Variants in MBD5 observed in about 807,000 individuals in gnomAD.
The protein encoded by MBD5 is methyl-CpG-binding domain protein 5.
Under a neutral mutation model 117.3 loss-of-function variants are expected in MBD5, and 13 were observed. That is an observed-to-expected ratio of 0.11 (90% CI 0.07 to 0.18). MBD5 has a LOEUF of 0.18. Among genes scored for constraint, MBD5 ranks in the 10% least tolerant of loss-of-function variants. The pLI is 1.00. For missense variants in MBD5, 1,879 were observed against 2,093.8 expected (o/e 0.90, Z 2.00); for synonymous variants, 727 against 766.4 (o/e 0.95, Z 0.85).
chr2:148,411,572 T>C (rs1705251363), intron 4 of MBD5, among the ~76,000 whole-genome samples: 1 of 148,548 alleles, frequency 6.7e-6, no homozygotes, highest in Non-Finnish European at 1.5e-5. Context: ...AGATGGTATC[T>C]CCTTGTGGTT....
intron 3 of MBD5, among the ~76,000 whole-genome samples, chr2:148,293,476 G>A (rs1701550898): frequency 6.6e-6 from 1 of 152,112 alleles, no homozygotes. Context: ...TTGCATGCCT[G>A]TATCAAAACA....
chr2:148,149,029 A>T (rs1051151653), intron 1 of MBD5, among the ~76,000 whole-genome samples: 1 of 152,032 alleles, frequency 6.6e-6, no homozygotes, highest in South Asian at 2.1e-4. Flanking sequence ...ATGCTGGTGC[A>T]CTGCACCCAC....
intron 2 of MBD5, among the ~76,000 whole-genome samples, chr2:148,232,203 G>A (rs895960088): frequency 6.6e-6 from 1 of 152,210 alleles, no homozygotes; most frequent in Admixed American, 6.5e-5. Flanking sequence ...AAGAGGAAGA[G>A]TGATCAGATA....
intron 1 of MBD5, among the ~76,000 whole-genome samples, chr2:148,023,307 G>A (rs1693814904): frequency 6.6e-6 from 1 of 152,002 alleles, no homozygotes; most frequent in East Asian, 1.9e-4. Context: ...TTTCTTGATG[G>A]TTAAAGCTAA....
intron 4 of MBD5, among the ~76,000 whole-genome samples, chr2:148,394,151 G>A (rs1704638666): frequency 6.6e-6 from 1 of 151,992 alleles, no homozygotes; most frequent in Non-Finnish European, 1.5e-5. Context: ...TGGCTATATT[G>A]TTTTTTCTTT....
Position 148,426,312 on chromosome 2 carries a change from A to G in MBD5, c.-556-31891A>G, listed in dbSNP as rs573602113. On this transcript the variant is annotated intron_variant, in intron 4 of 13. Coordinates refer to ENST00000642680, the MANE Select transcript of MBD5 (RefSeq NM_001378120.1). Reference sequence around the variant, plus strand: ...ATTGGAAAAAACTACTTGAAAGTTCATATGGAACCAAAAAAGAGCCCGCAT... The same window carrying G: ...ATTGGAAAAAACTACTTGAAAGTTCGTATGGAACCAAAAAAGAGCCCGCAT... Among the ~76,000 whole-genome samples the G allele has an allele frequency of 5.5e-4, 84 of 152,324 alleles. 1 individual carries two copies. Among genetic ancestry groups the G allele is most frequent in the Non-Finnish European group, 9.3e-4 (63 of 68,034 alleles).
intron 3 of MBD5, among the ~76,000 whole-genome samples, chr2:148,340,741 T>C (rs936247777): frequency 3.2e-4 from 49 of 152,034 alleles, no homozygotes; most frequent in African/African-American, 1.2e-3. Flanking sequence ...TTATTTGAGA[T>C]GTTAACAGAC....
intron 3 of MBD5, among the ~76,000 whole-genome samples, chr2:148,308,491 C>CTTTTTTT (rs60650324): frequency 1.9e-4 from 13 of 66,772 alleles, no homozygotes; most frequent in African/African-American, 5.4e-4. Flanking sequence ...GGGGTTCTTT[C>CTTTTTTT]TTTTTTTTTT....
intron 3 of MBD5, among the ~76,000 whole-genome samples, chr2:148,248,229 A>C (rs1700383196): frequency 6.6e-6 from 1 of 152,160 alleles, no homozygotes; most frequent in African/African-American, 2.4e-5. Context: ...AAAATCAGCT[A>C]TCACTTCCCA....
intron 4 of MBD5, among the ~76,000 whole-genome samples, chr2:148,457,815 A>G (rs1182954090): frequency 6.6e-6 from 1 of 152,202 alleles, no homozygotes; most frequent in African/African-American, 2.4e-5. Flanking sequence ...TATAATATTA[A>G]GGACTTATTA....
intron 4 of MBD5, among the ~76,000 whole-genome samples, chr2:148,362,814 T>A (rs968394324): frequency 6.6e-6 from 1 of 152,192 alleles, no homozygotes; most frequent in African/African-American, 2.4e-5. Context: ...TTTGCTGTTC[T>A]TCAGCCTTTG....
intron 3 of MBD5, among the ~76,000 whole-genome samples, chr2:148,258,319 A>G (rs1700640287): frequency 6.6e-6 from 1 of 152,214 alleles, no homozygotes; most frequent in Admixed American, 6.5e-5. Context: ...ATGCCAAGGT[A>G]CAGAGATACA....
At chr2:148,155,403 G>A (rs555248400) in intron 1 of MBD5, among the ~76,000 whole-genome samples, 29 of 152,160 alleles carry the variant, frequency 1.9e-4, no homozygotes, top group Non-Finnish European at 3.2e-4. Context: ...AGCTCAGACA[G>A]GTAATGGGAA....
chr2:148,432,485 G>A (rs952528541), intron 4 of MBD5, among the ~76,000 whole-genome samples: 26 of 152,042 alleles, frequency 1.7e-4, no homozygotes, highest in Non-Finnish European at 1.5e-4. Context: ...ATCTTTCAGG[G>A]ATTTTATAGT....
intron 3 of MBD5, among the ~76,000 whole-genome samples, chr2:148,248,138 T>C (rs532382050): frequency 6.6e-6 from 1 of 152,244 alleles, no homozygotes; most frequent in Admixed American, 6.5e-5. Flanking sequence ...CGTGGACTCA[T>C]CCAAGATGGA....
At chr2:148,085,723 CA>C (rs796928483) in intron 1 of MBD5, among the ~76,000 whole-genome samples, 13 of 142,188 alleles carry the variant, frequency 9.1e-5, no homozygotes, top group Admixed American at 1.4e-4. Flanking sequence ...GACTCCGTCT[CA>C]AAAAAAAAAA....
In MBD5 at chr2:148,483,871, C is replaced by T; in HGVS notation, c.3280C>T (p.Leu1094=). The T allele has an allele frequency of 1.9e-6, 3 of 1,550,564 alleles. No homozygotes were observed. Among genetic ancestry groups the T allele is most frequent in the South Asian group, 2.4e-5 (2 of 84,062 alleles). ...GAATCCCCAGCTGTTGGGAGGTGTC[C>T]TGAACTCGGCATCGGCCAACACCGC... ...TLNPQLLGGV[L]NSASANTANH... Residue 1094 remains leucine (L), a synonymous_variant, in exon 9 of 14, where the codon CTG becomes TTG. Coordinates refer to ENST00000642680, the MANE Select transcript of MBD5 (RefSeq NM_001378120.1).
At chr2:148,507,534 C>T (rs1429198341) in intron 12 of MBD5, among the ~76,000 whole-genome samples, 1 of 150,700 alleles carries the variant, frequency 6.6e-6, no homozygotes, top group Non-Finnish European at 1.5e-5. Context: ...CCGAGGCGGG[C>T]AGATCACGAG....
chr2:148,053,822 T>C (rs184199999), intron 1 of MBD5: 1 of 152,172 alleles, frequency 6.6e-6, no homozygotes, highest in Non-Finnish European at 1.5e-5. Context: ...TTCAAGTTTA[T>C]TTATTTGCTG....
Sources: gnomAD v4.1 joint callset for allele counts (sites outside exome capture counted in the v4.1 genomes callset) on GRCh38, gnomAD v4.1.1 for gene constraint, MANE v1.5 for transcripts, NCBI Gene and HGNC (gene_info 2026-07-23, HGNC 2026-07-21) for gene names.